Variants in ORC3 observed in about 807,000 individuals in gnomAD.
ORC3 encodes origin recognition complex subunit 3.
Under a neutral mutation model 100.7 loss-of-function variants are expected in ORC3, and 78 were observed. That is an observed-to-expected ratio of 0.77 (90% CI 0.65 to 0.94). ORC3 has a LOEUF of 0.94. Ranked by LOEUF, ORC3 falls within the 40% of genes least tolerant of loss-of-function variation. ORC3 has a pLI of 0.00. For synonymous variants in ORC3, 295 were observed against 289.3 expected (o/e 1.02, Z -0.20); for missense variants, 789 against 823.9 (o/e 0.96, Z 0.52).
intron 2 of ORC3, among the ~76,000 whole-genome samples, chr6:87,596,237 G>A (rs370814913): frequency 2.0e-5 from 3 of 151,164 alleles, no homozygotes; most frequent in Non-Finnish European, 4.4e-5. Context: ...AGGTTCAAGC[G>A]ATTCTCCTGC....
chr6:87,598,197 A>AT (rs1167864752), intron 2 of ORC3, among the ~76,000 whole-genome samples: 12 of 147,902 alleles, frequency 8.1e-5, no homozygotes, highest in Non-Finnish European at 1.4e-4. Flanking sequence ...TAATTTATTT[A>AT]TTTTTTTTTT....
chr6:87,607,974 T>G (rs755220477), intron 6 of ORC3, 150 bp downstream of exon 6: 115 of 501,060 alleles, frequency 2.3e-4, no homozygotes, highest in Non-Finnish European at 3.5e-4. Context: ...TTTTTTCTAA[T>G]GCTACTCGAA....
the ORC3 span, among the ~76,000 whole-genome samples, chr6:87,674,196 G>T: frequency 6.6e-6 from 1 of 151,674 alleles, no homozygotes; most frequent in South Asian, 2.1e-4. Context: ...CAGCAACTCA[G>T]GAGGCTGAGG....
At chr6:87,610,067 T>G (rs1038946197) in intron 7 of ORC3, among the ~76,000 whole-genome samples, 1 of 152,208 alleles carries the variant, frequency 6.6e-6, no homozygotes, top group African/African-American at 2.4e-5. Flanking sequence ...TATTTTAAAA[T>G]CCAGTGACAT....
intron 11 of ORC3, among the ~76,000 whole-genome samples, chr6:87,624,054 G>A (rs1360956867): frequency 6.6e-6 from 1 of 152,046 alleles, no homozygotes; most frequent in Admixed American, 6.6e-5. Context: ...TACATACTTT[G>A]TCATATAAGT....
chr6:87,600,762 A>G (rs776827454), intron 2 of ORC3, among the ~76,000 whole-genome samples: 5 of 151,728 alleles, frequency 3.3e-5, no homozygotes, highest in Non-Finnish European at 7.4e-5. Context: ...CAAATGTCAT[A>G]ATTTATGTGT....
chr6:87,604,222 A>G (rs910693031), intron 4 of ORC3, among the ~76,000 whole-genome samples: 7 of 152,164 alleles, frequency 4.6e-5, no homozygotes, highest in Admixed American at 2.6e-4. Context: ...TTCTCTTTCA[A>G]TTTATTCAAG....
intron 4 of ORC3, among the ~76,000 whole-genome samples, 191 bp from the exon 5 acceptor site, chr6:87,605,726 C>G (rs1193296016): frequency 1.3e-5 from 2 of 151,664 alleles, no homozygotes; most frequent in Non-Finnish European, 2.9e-5. Context: ...AATATCTTTC[C>G]TGACAAATAT....
chr6:87,654,269 A>T (rs1307288324), intron 14 of ORC3, among the ~76,000 whole-genome samples: 1 of 152,200 alleles, frequency 6.6e-6, no homozygotes, highest in Admixed American at 6.5e-5. Context: ...GAGGCACCTG[A>T]TGAGTGCTCA....
chr6:87,615,354 C>T (rs1209948097), intron 8 of ORC3, among the ~76,000 whole-genome samples: 1 of 152,130 alleles, frequency 6.6e-6, no homozygotes, highest in Non-Finnish European at 1.5e-5. Context: ...TATCATTGAC[C>T]TTCCCCAAAT....
intron 2 of ORC3, among the ~76,000 whole-genome samples, 190 bp from the exon 3 acceptor site, chr6:87,601,594 C>A (rs143775102): frequency 6.6e-6 from 1 of 152,014 alleles, no homozygotes; most frequent in African/African-American, 2.4e-5. Context: ...ATCACTTGAA[C>A]CTGGGAGGCG....
chr6:87,608,970 TG>T, intron 6 of ORC3, 125 bp from the exon 7 acceptor site: 1 of 646,914 alleles, frequency 1.5e-6, no homozygotes, highest in Non-Finnish European at 2.4e-6. Context: ...ATTTATCGTG[TG>T]GTAGAAAAAA....
chr6:87,655,666 AT>A lies in ORC3; in HGVS notation c.1517-1226del, dbSNP rs558077926. Reference sequence around the variant, plus strand: ...CCTCATCAGCCTAATTATTATTATTATTTTTTTTTTTTTTAAATAGAGACAG... The same window carrying A: ...CCTCATCAGCCTAATTATTATTATTATTTTTTTTTTTTTAAATAGAGACAG... On this transcript the variant is annotated intron_variant, in intron 14 of 19. Transcript: ENST00000392844. Among the ~76,000 whole-genome samples the A allele has an allele frequency of 3.8e-3, 530 of 140,024 alleles. 6 individuals carry two copies. Among genetic ancestry groups the A allele is most frequent in the South Asian group, 0.02 (91 of 4,468 alleles). The allele number at this position is 140,024 out of a possible 152,430, so 91.9% of individuals were successfully genotyped here. A position where few individuals can be genotyped will look rare whatever the true frequency, so the allele number is the denominator to read the frequency against.
At chr6:87,612,726 C>T (rs569428395) in intron 8 of ORC3, among the ~76,000 whole-genome samples, 5 of 152,226 alleles carry the variant, frequency 3.3e-5, no homozygotes, top group African/African-American at 7.2e-5. Context: ...ATTCTCCTGC[C>T]GCAGCATCTC....
Position 87,645,109 on chromosome 6 carries a change from TA to T in ORC3, c.1383-7997del, listed in dbSNP as rs76055029. Reference sequence around the variant, plus strand: ...CATGGTTATTGCTTTGCCCATCCATTAAAAAAAAAAGGGGTTTTTTAAATGC... The same window carrying T: ...CATGGTTATTGCTTTGCCCATCCATTAAAAAAAAAGGGGTTTTTTAAATGC... On this transcript the variant is annotated intron_variant, in intron 13 of 19. Coordinates refer to ENST00000392844, the MANE Select transcript of ORC3 (RefSeq NM_012381.4). 5.3e-3 allele frequency among the ~76,000 whole-genome samples: 782 copies of T among 147,370 alleles called. 6 individuals carry two copies. Among genetic ancestry groups the T allele is most frequent in the African/African-American group, 0.018 (734 of 40,374 alleles).
intron 16 of ORC3, among the ~76,000 whole-genome samples, chr6:87,660,561 A>C (rs539953843): frequency 1.1e-4 from 16 of 152,358 alleles, no homozygotes; most frequent in African/African-American, 3.6e-4. Flanking sequence ...CAGGAGGCAG[A>C]GTTCACAGTA....
At chr6:87,611,893 T>G (rs1028070812) in intron 7 of ORC3, among the ~76,000 whole-genome samples, 196 bp from the exon 8 acceptor site, 8 of 152,204 alleles carry the variant, frequency 5.3e-5, no homozygotes, top group African/African-American at 1.9e-4. Context: ...AAAGCTAGAC[T>G]GTCTGGAAAG....
chr6:87,654,571 C>A (rs28381517), intron 14 of ORC3, among the ~76,000 whole-genome samples: 1 of 152,204 alleles, frequency 6.6e-6, no homozygotes, highest in Non-Finnish European at 1.5e-5. Context: ...CAGACCAGAG[C>A]CCATCTCTCT....
chr6:87,636,885 A>G (rs1001222416), intron 13 of ORC3, among the ~76,000 whole-genome samples: 1 of 152,226 alleles, frequency 6.6e-6, no homozygotes, highest in African/African-American at 2.4e-5. Flanking sequence ...ATTGGGTGAT[A>G]TGTACCCAGT....
Sources: allele counts gnomAD v4.1 joint callset (sites outside exome capture counted in the v4.1 genomes callset), GRCh38; gene constraint gnomAD v4.1.1; transcripts MANE v1.5; gene names NCBI Gene and HGNC (gene_info 2026-07-23, HGNC 2026-07-21).